Variants in ZNF286A observed in about 807,000 individuals in gnomAD.
ZNF286A encodes zinc finger protein ZNF286.
A neutral mutation model predicts 49.3 loss-of-function variants in ZNF286A; 34 were observed. The observed-to-expected ratio is 0.69, with a 90% CI of 0.52 to 0.92. The LOEUF (loss-of-function observed/expected upper bound fraction) is 0.92, where lower values mean the gene tolerates loss of function less well. Ranked by LOEUF, ZNF286A falls within the 40% of genes least tolerant of loss-of-function variation. ZNF286A has a pLI of 0.00. For synonymous variants in ZNF286A, 155 were observed against 200.4 expected, an observed-to-expected ratio of 0.77 and a Z score of 1.91; for missense variants, 462 against 600.2, an observed-to-expected ratio of 0.77 and a Z score of 2.41.
At chr17:15,715,128 G>A (rs1458472156) in intron 5 of ZNF286A, among the ~76,000 whole-genome samples, 1 of 151,824 alleles carries the variant, frequency 6.6e-6, no homozygotes, top group Non-Finnish European at 1.5e-5. Context: ...ATTTAGAGAG[G>A]TTAAGCTTCC....
chr17:15,709,553 C>T (rs557082621), intron 5 of ZNF286A, among the ~76,000 whole-genome samples: 7 of 151,744 alleles, frequency 4.6e-5, no homozygotes, highest in African/African-American at 1.7e-4. Flanking sequence ...CTAGAAGTAA[C>T]CATTATATCT....
intron 1 of ZNF286A, 23 bp downstream of exon 1, chr17:15,699,800 G>A: frequency 1.6e-6 from 1 of 625,950 alleles, no homozygotes; most frequent in Non-Finnish European, 2.9e-6. Context: ...TGGTGATGTC[G>A]CTCGTCTCGG....
chr17:15,703,900 T>C (rs1989978593), intron 3 of ZNF286A, among the ~76,000 whole-genome samples: 1 of 152,106 alleles, frequency 6.6e-6, no homozygotes. Context: ...CTTTTTCTTC[T>C]AATTTTTGGG....
chr17:15,713,987 G>T (rs1263562757), intron 5 of ZNF286A, among the ~76,000 whole-genome samples: 1 of 151,838 alleles, frequency 6.6e-6, no homozygotes, highest in Non-Finnish European at 1.5e-5. Context: ...TGAAACAAGT[G>T]GCTGGTTCAG....
rs1967317750 is a variant in ZNF286A at position 15,720,494 on chromosome 17, T to C, written c.*3204T>C. The C allele has an allele frequency of 8.2e-6, 1 of 121,872 alleles. No individual in the cohort carries two copies. The highest frequency in any genetic ancestry group is 1.7e-5 in the Non-Finnish European group (1 of 58,396). The allele number at this position is 121,872 out of a possible 1,614,324, so 7.5% of individuals were successfully genotyped here. ...CCTTGAGACCTTCCAGAACCTTCTT[T>C]TTTCCTACTTCATATCACTTAACCA... On this transcript the variant is annotated 3_prime_UTR_variant, in exon 6 of 6. Transcript: ENST00000583566.
rs573299789 is a variant in ZNF286A, at chr17:15,701,391, C to G, written c.126+151C>G. 3.9e-4 allele frequency: 224 copies of G among 568,130 alleles called. 2 individuals are homozygous for G. In the South Asian group the frequency reaches 5.6e-3, roughly 14 times the overall value. The allele number at this position is 568,130 out of a possible 1,614,324, so 35.2% of individuals were successfully genotyped here. ...AGACTAGTCAGGAGACTAATGGACT[C>G]AGAAGAAAATGTTTTCTACTTATAA... On this transcript the variant is annotated intron_variant, in intron 3 of 5. Coordinates refer to ENST00000583566, the MANE Select transcript of ZNF286A (RefSeq NM_001130842.2).
chr17:15,717,771 T>C lies in ZNF286A; in HGVS notation c.*481T>C, dbSNP rs1243950494. The C allele has an allele frequency of 6.4e-6, 1 of 156,798 alleles. No homozygotes were observed. The highest frequency in any genetic ancestry group is 1.4e-5 in the Non-Finnish European group (1 of 70,858). 9.7% of individuals were successfully genotyped at this position (156,798 alleles called of 1,614,324 possible). A position where few individuals can be genotyped will look rare whatever the true frequency, so the allele number is the denominator to read the frequency against. ...TATAATTCATCTAGAGTGTAATTTC[T>C]TTTATATTAGCCTTAAAAACCAAAA... On this transcript the variant is annotated 3_prime_UTR_variant, in exon 6 of 6. Transcript: ENST00000583566.
rs1193427141 is a variant in ZNF286A, at chr17:15,716,177, C to G, written c.453C>G (p.Asn151Lys). 2.0e-5 allele frequency: 33 copies of G among 1,613,700 alleles called. No individual in the cohort carries two copies. Among genetic ancestry groups the G allele is most frequent in the Non-Finnish European group, 2.6e-5 (31 of 1,179,822 alleles). ...RLTRNSVYDS[N>K]LEAALECENW... ...CACGGAATAGTGTCTATGACTCTAACTTGGAAGCAGCCCTTGAATGTGAAA... is the reference window on the plus strand; with the variant it reads ...CACGGAATAGTGTCTATGACTCTAAGTTGGAAGCAGCCCTTGAATGTGAAA... Residue 151 changes from asparagine (N) to lysine (K), a missense_variant, in exon 6 of 6, where the codon AAC (asparagine) becomes AAG (lysine). Physicochemically the swap from Asn to Lys is moderately conservative, Grantham distance 94 (BLOSUM62 0). Transcript: ENST00000583566.
At chr17:15,715,107 A>T (rs1371657128) in intron 5 of ZNF286A, among the ~76,000 whole-genome samples, 1 of 151,994 alleles carries the variant, frequency 6.6e-6, no homozygotes. Context: ...TACTATATTT[A>T]TATTAGATAT....
rs9905520 is a variant in ZNF286A, at chr17:15,717,903, C to G, written c.*613C>G. Reference sequence around the variant, plus strand: ...AATATTTACAGACAACTCTAAGTTACGTTCACATGGATTATGTACATCATT... The same window carrying G: ...AATATTTACAGACAACTCTAAGTTAGGTTCACATGGATTATGTACATCATT... On this transcript the variant is annotated 3_prime_UTR_variant, in exon 6 of 6. Coordinates refer to ENST00000583566, the MANE Select transcript of ZNF286A (RefSeq NM_001130842.2). The G allele has an allele frequency of 5.5e-3, 818 of 149,050 alleles. 7 individuals carry two copies. Among genetic ancestry groups the G allele is most frequent in the Non-Finnish European group, 9.2e-3 (623 of 67,998 alleles). The allele number at this position is 149,050 out of a possible 1,614,324, so 9.2% of individuals were successfully genotyped here.
At chr17:15,707,754 C>T (rs1990344443) in intron 4 of ZNF286A, among the ~76,000 whole-genome samples, 1 of 152,196 alleles carries the variant, frequency 6.6e-6, no homozygotes, top group African/African-American at 2.4e-5. Context: ...GTCCACCCTC[C>T]CTTACTTCAG....
At chr17:15,712,139 T>G (rs1174957412) in intron 5 of ZNF286A, among the ~76,000 whole-genome samples, 1 of 152,236 alleles carries the variant, frequency 6.6e-6, no homozygotes, top group Non-Finnish European at 1.5e-5. Context: ...CCCAAAGTGC[T>G]GGGATTACAG....
intron 3 of ZNF286A, among the ~76,000 whole-genome samples, chr17:15,702,263 C>T (rs942749716): frequency 5.3e-5 from 8 of 152,004 alleles, no homozygotes; most frequent in African/African-American, 1.9e-4. Context: ...GCCTGTAATC[C>T]CAGCACTTTG....
At chr17:15,704,775 G>T (rs1990075468) in intron 3 of ZNF286A, 1 of 1,613,932 alleles carries the variant, frequency 6.2e-7, no homozygotes, top group African/African-American at 1.3e-5. Flanking sequence ...TGACCTGGAG[G>T]TCGGTGAGGT....
At chr17:15,712,089 A>G (rs62071725) in intron 5 of ZNF286A, among the ~76,000 whole-genome samples, 5,889 of 151,776 alleles carry the variant, frequency 0.039, 78 homozygotes, top group Non-Finnish European at 0.053. Context: ...AGCCGGGATG[A>G]TCTCAGTCTC....
intron 5 of ZNF286A, among the ~76,000 whole-genome samples, chr17:15,712,593 C>T (rs1362752185): frequency 7.6e-6 from 1 of 131,162 alleles, no homozygotes; most frequent in African/African-American, 4.5e-5. Flanking sequence ...ACATCACCCC[C>T]TCTCTCCTTT....
rs1967196343 is a variant in ZNF286A, at chr17:15,718,437, CA to C, written c.*1148del. On this transcript the variant is annotated 3_prime_UTR_variant, in exon 6 of 6. Coordinates refer to ENST00000583566, the MANE Select transcript of ZNF286A (RefSeq NM_001130842.2). ...GGGTGAGGGAGACTTCTTTTGTCTA[CA>C]TTATTCAGCTTTCTGAAAGCTATGC... is the stretch of plus-strand genomic sequence containing the variant. 1 of 148,214 alleles carries C rather than the reference CA, an allele frequency of 6.7e-6. No homozygotes were observed. The highest frequency in any genetic ancestry group is 1.5e-5 in the Non-Finnish European group (1 of 67,372). The allele number at this position is 148,214 out of a possible 1,614,324, so 9.2% of individuals were successfully genotyped here.
rs149365202 is a variant in ZNF286A, at chr17:15,717,190, C to G, written c.1466C>G (p.Thr489Ser). The G allele has an allele frequency of 1.4e-4, 220 of 1,607,598 alleles. 3 individuals carry two copies. Among genetic ancestry groups the G allele is most frequent in the South Asian group, 4.3e-4 (39 of 90,282 alleles). Residue 489 changes from threonine (T) to serine (S), a missense_variant, in exon 6 of 6, where the codon ACC (threonine) becomes AGC (serine). Coordinates refer to ENST00000583566, the MANE Select transcript of ZNF286A (RefSeq NM_001130842.2). ...SALIQHQRTH[T>S]GEKPFRCNEC... Reference sequence around the variant, plus strand: ...CTCATTCAACATCAGAGAACTCATACCGGAGAGAAACCCTTTAGATGTAAT... The same window carrying G: ...CTCATTCAACATCAGAGAACTCATAGCGGAGAGAAACCCTTTAGATGTAAT...
chr17:15,708,293 A>G (rs2151465172), intron 5 of ZNF286A, 46 bp downstream of exon 5: 2 of 1,473,006 alleles, frequency 1.4e-6, no homozygotes, highest in Non-Finnish European at 9.1e-7. Flanking sequence ...GCCCAGCAGG[A>G]CAATGAAGAA....
Sources: allele counts gnomAD v4.1 joint callset (sites outside exome capture counted in the v4.1 genomes callset), GRCh38; gene constraint gnomAD v4.1.1; transcripts MANE v1.5; gene names NCBI Gene and HGNC (gene_info 2026-07-23, HGNC 2026-07-21).